The following GDI2 variants were observed in gnomAD, a reference collection of about 807,000 sequenced individuals.
The protein encoded by GDI2 is rab GDP dissociation inhibitor beta.
Under a neutral mutation model 54.2 loss-of-function variants are expected in GDI2, and 22 were observed. The ratio of observed to expected loss-of-function variants is 0.41; its 90% CI spans 0.29 to 0.58. The LOEUF (loss-of-function observed/expected upper bound fraction) is 0.58, where lower values mean the gene tolerates loss of function less well. GDI2 is among the 20% of genes least tolerant of loss of function. GDI2 has a pLI of 0.35. For missense variants in GDI2, 422 were observed against 546.0 expected (o/e 0.77, Z 2.26); for synonymous variants, 177 against 182.1 (o/e 0.97, Z 0.23).
At chr10:5,808,778 T>C (rs1167483156) in intron 1 of GDI2, among the ~76,000 whole-genome samples, 1 of 146,380 alleles carries the variant, frequency 6.8e-6, no homozygotes, top group Non-Finnish European at 1.5e-5. Context: ...AAGTATCTAA[T>C]AACTAATATT....
intron 3 of GDI2, among the ~76,000 whole-genome samples, chr10:5,795,262 T>C (rs955057560): frequency 2.6e-5 from 4 of 152,164 alleles, no homozygotes; most frequent in Non-Finnish European, 5.9e-5. Flanking sequence ...CCTGAGTACC[T>C]GGCACTACTA....
At chr10:5,794,702 G>C (rs1010290447) in intron 4 of GDI2, among the ~76,000 whole-genome samples, 183 bp downstream of exon 4, 2 of 152,086 alleles carry the variant, frequency 1.3e-5, no homozygotes, top group African/African-American at 4.8e-5. Flanking sequence ...GCTTCAAACG[G>C]GTAGGAATTT....
chr10:5,775,046 G>A (rs1354702235), intron 6 of GDI2, among the ~76,000 whole-genome samples: 2 of 152,224 alleles, frequency 1.3e-5, no homozygotes, highest in Non-Finnish European at 2.9e-5. Context: ...CCACCACTTT[G>A]GGAAGCCGAG....
In GDI2 at chr10:5,765,934, T is replaced by C; in HGVS notation, c.*72A>G. ...TTCATTACAAAAGCAGGCCTTACAA[T>C]ATTGATTTCATTATATGCATTATTT... On this transcript the variant is annotated 3_prime_UTR_variant, in exon 11 of 11. Coordinates refer to ENST00000380191, the MANE Select transcript of GDI2 (RefSeq NM_001494.4). 2 of 1,102,466 alleles carry C rather than the reference T, an allele frequency of 1.8e-6. No individual in the cohort carries two copies. Among genetic ancestry groups the C allele is most frequent in the Non-Finnish European group, 2.6e-6 (2 of 764,388 alleles). 68.3% of individuals were successfully genotyped at this position (1,102,466 alleles called of 1,614,324 possible).
In GDI2 at chr10:5,776,523, G is replaced by A; in HGVS notation, c.720-2582C>T. The A allele has an allele frequency of 6.8e-7, 1 of 1,479,236 alleles. No individual in the cohort carries two copies. The highest frequency in any genetic ancestry group is 9.4e-7 in the Non-Finnish European group (1 of 1,061,164). 91.6% of individuals were successfully genotyped at this position (1,479,236 alleles called of 1,614,324 possible). On this transcript the variant is annotated intron_variant, in intron 6 of 10. Coordinates refer to ENST00000380191, the MANE Select transcript of GDI2 (RefSeq NM_001494.4). This position sits in a 1 kb window ranked among gnomAD's most constrained non-coding sequence, Gnocchi z 5.3. ...AGGCCCGAAAGATAAAACAATTATA[G>A]AGAAGCAGATTTGAAGAGGCATGTG...
intron 5 of GDI2, 74 bp from the exon 6 acceptor site, chr10:5,785,347 G>C: frequency 9.0e-7 from 1 of 1,115,052 alleles, no homozygotes; most frequent in Non-Finnish European, 1.3e-6. Context: ...AATTTTTTTT[G>C]AAGCGATTTC....
chr10:5,794,875 A>G lies in GDI2; in HGVS notation c.388+10T>C, dbSNP rs1163870817. ...TAAAACTAGTTACTAGAGAAAATAA[A>G]ACTACTTACTAGATGCCAGGGCTTC... On this transcript the variant is annotated intron_variant, in intron 4 of 10. Transcript: ENST00000380191. 1 of 1,579,904 alleles carries G rather than the reference A, an allele frequency of 6.3e-7. No individual in the cohort carries two copies. The highest frequency in any genetic ancestry group is 1.4e-5 in the African/African-American group (1 of 73,790).
intron 3 of GDI2, among the ~76,000 whole-genome samples, chr10:5,796,001 CACAA>C (rs1841140131): frequency 6.6e-6 from 1 of 152,100 alleles, no homozygotes; most frequent in African/African-American, 2.4e-5. Flanking sequence ...ATTTCATGTG[CACAA>C]ACAGACCTAT....
chr10:5,811,978 T>G, intron 1 of GDI2: 1 of 578,572 alleles, frequency 1.7e-6, no homozygotes, highest in Non-Finnish European at 2.6e-6. Context: ...AAAAAAAAAA[T>G]TGGTTTGACC....
intron 4 of GDI2, among the ~76,000 whole-genome samples, chr10:5,788,355 G>C (rs752781656): frequency 4.6e-5 from 7 of 152,022 alleles, no homozygotes; most frequent in African/African-American, 1.4e-4. Context: ...TGCCTTCCCA[G>C]ATCACTTTAT....
intron 4 of GDI2, among the ~76,000 whole-genome samples, chr10:5,792,340 T>TTA (rs948024779): frequency 6.6e-6 from 1 of 152,188 alleles, no homozygotes; most frequent in Non-Finnish European, 1.5e-5. Context: ...CTATGTAAAG[T>TTA]TAGATAATAC....
chr10:5,812,579 CAGTA>C (rs368787997), intron 1 of GDI2, among the ~76,000 whole-genome samples: 49 of 138,956 alleles, frequency 3.5e-4, no homozygotes, highest in African/African-American at 1.3e-3. Context: ...TACAGATGCT[CAGTA>C]AGTGAGAAGG....
intron 4 of GDI2, among the ~76,000 whole-genome samples, chr10:5,792,715 A>T (rs566766199): frequency 6.6e-5 from 10 of 151,686 alleles, no homozygotes; most frequent in Non-Finnish European, 1.3e-4. Context: ...GAAGAAGGAT[A>T]AGCCAGAAAA....
chr10:5,813,089 G>C (rs1236513380), intron 1 of GDI2, 125 bp downstream of exon 1: 6 of 577,152 alleles, frequency 1.0e-5, no homozygotes, highest in Admixed American at 4.0e-5. Flanking sequence ...CACGACTCCC[G>C]TCCCGAAAAC....
chr10:5,810,401 A>T (rs748083057), intron 1 of GDI2, among the ~76,000 whole-genome samples: 10 of 152,214 alleles, frequency 6.6e-5, no homozygotes, highest in Non-Finnish European at 1.0e-4. Context: ...GTCCATAGTG[A>T]ACTATGTGCA....
chr10:5,784,175 T>C (rs1840822709), intron 6 of GDI2, among the ~76,000 whole-genome samples: 2 of 150,548 alleles, frequency 1.3e-5, no homozygotes, highest in South Asian at 4.2e-4. Flanking sequence ...AAAAGCCTTG[T>C]CTTCGAACTC....
At chr10:5,771,118 T>A (rs1840480822) in intron 7 of GDI2, among the ~76,000 whole-genome samples, 1 of 152,104 alleles carries the variant, frequency 6.6e-6, no homozygotes, top group South Asian at 2.1e-4. Context: ...GTTATCTTCA[T>A]AATCTAATGA....
Position 5,773,879 on chromosome 10 carries a change from T to C in GDI2, c.782A>G (p.Gln261Arg). The C allele has an allele frequency of 1.3e-6, 2 of 1,546,052 alleles. No homozygotes were observed. The highest frequency in any genetic ancestry group is 2.3e-5 in the East Asian group (1 of 44,422). The change falls in exon 7 of 11, where the codon CAG (glutamine) becomes CGG (arginine). Residue 261 changes from glutamine (Q) to arginine (R), a missense_variant. Gln to Arg is a conservative substitution (Grantham distance 43). Coordinates refer to ENST00000380191, the MANE Select transcript of GDI2 (RefSeq NM_001494.4). ...TTTTACACCAATTACTTTTCCATTC[T>C]GTACAATGATTTCTTCAATGGGTTT... ...LNKPIEEIIV[Q>R]NGKVIGVKSE...
At chr10:5,782,364 G>C (rs1455419344) in intron 6 of GDI2, among the ~76,000 whole-genome samples, 1 of 152,176 alleles carries the variant, frequency 6.6e-6, no homozygotes, top group African/African-American at 2.4e-5. Context: ...CTCATACACT[G>C]CTGAGTGTAT....
Sources: gnomAD v4.1 joint callset for allele counts (sites outside exome capture counted in the v4.1 genomes callset) on GRCh38, gnomAD v4.1.1 for gene constraint, Gnocchi (gnomAD v3.1) non-coding constraint, MANE v1.5 for transcripts, NCBI Gene and HGNC (gene_info 2026-07-23, HGNC 2026-07-21) for gene names.